Variants in KATNAL1 observed in about 807,000 individuals in gnomAD.
KATNAL1 encodes katanin p60 ATPase-containing subunit A-like 1.
KATNAL1 carries 32 observed loss-of-function variants against 55.2 expected under a neutral mutation model. That is an observed-to-expected ratio of 0.58 (90% CI 0.44 to 0.78). The LOEUF is 0.78. KATNAL1 is among the 30% of genes least tolerant of loss of function. The probability of loss-of-function intolerance (pLI) is 0.00; values close to 1 mark genes in which losing one functional copy is unlikely to be tolerated. For synonymous variants in KATNAL1, 193 were observed against 193.6 expected, an observed-to-expected ratio of 1.00 and a Z score of 0.02; for missense variants, 466 against 600.9, an observed-to-expected ratio of 0.78 and a Z score of 2.35.
At chr13:30,242,822 G>A (rs547939617) in intron 4 of KATNAL1, among the ~76,000 whole-genome samples, 5 of 152,148 alleles carry the variant, frequency 3.3e-5, no homozygotes, top group East Asian at 1.9e-4. Context: ...TTCTGGAAAC[G>A]TTTTCAAATC....
In KATNAL1 at chr13:30,207,849, A is replaced by C. The variant is rs1051606817; in HGVS notation, c.*691T>G. 3.9e-5 allele frequency: 6 copies of C among 152,258 alleles called. No homozygotes were observed. The highest frequency in any genetic ancestry group is 1.4e-4 in the African/African-American group (6 of 41,470). 9.4% of individuals were successfully genotyped at this position (152,258 alleles called of 1,614,324 possible). On this transcript the variant is annotated 3_prime_UTR_variant, in exon 11 of 11. Transcript: ENST00000380615. ...AGTAATATTCTTCCCACCTTTCCAT[A>C]TTAAATGTAAGAAGCACCAGCAAAA...
rs1031460324 is a variant in KATNAL1 at position 30,204,820 on chromosome 13, G to C, written c.*3720C>G. On this transcript the variant is annotated 3_prime_UTR_variant, in exon 11 of 11. Transcript: ENST00000380615. The stretch of plus-strand genomic sequence containing the variant: ...CCCTGAGCTATACAGCTAGACCACC[G>C]CATGTTTTCCCCTTCCAAAATGGCT... The C allele has an allele frequency of 2.0e-5, 3 of 152,078 alleles. No individual in the cohort carries two copies. Among genetic ancestry groups the C allele is most frequent in the Non-Finnish European group, 4.4e-5 (3 of 68,034 alleles). The allele number at this position is 152,078 out of a possible 1,614,324, so 9.4% of individuals were successfully genotyped here.
At chr13:30,298,931 C>T (rs924091185) in intron 1 of KATNAL1, among the ~76,000 whole-genome samples, 1 of 151,992 alleles carries the variant, frequency 6.6e-6, no homozygotes, top group Non-Finnish European at 1.5e-5. Flanking sequence ...TGAGAATTTT[C>T]CAAAACTAAC....
chr13:30,256,140 G>C (rs1330204981), intron 3 of KATNAL1, among the ~76,000 whole-genome samples: 1 of 152,176 alleles, frequency 6.6e-6, no homozygotes, highest in East Asian at 1.9e-4. Context: ...AAATGGCAGA[G>C]CTAACAATGA....
chr13:30,216,876 C>T (rs1303515809), intron 9 of KATNAL1, among the ~76,000 whole-genome samples: 1 of 152,166 alleles, frequency 6.6e-6, no homozygotes, highest in Non-Finnish European at 1.5e-5. Context: ...ATTAGAATAC[C>T]ACTGTATGTG....
At chr13:30,287,465 C>T (rs1226743137) in intron 1 of KATNAL1, among the ~76,000 whole-genome samples, 1 of 152,194 alleles carries the variant, frequency 6.6e-6, no homozygotes, top group Non-Finnish European at 1.5e-5. Context: ...GCGGCCTCCC[C>T]AACCATGCAG....
rs1872953343 is a variant in KATNAL1, at chr13:30,204,692, G to A, written c.*3848C>T. The A allele has an allele frequency of 6.6e-6, 1 of 152,216 alleles. No individual in the cohort carries two copies. Among genetic ancestry groups the A allele is most frequent in the Non-Finnish European group, 1.5e-5 (1 of 68,044 alleles). 9.4% of individuals were successfully genotyped at this position (152,216 alleles called of 1,614,324 possible). On this transcript the variant is annotated 3_prime_UTR_variant, in exon 11 of 11. Transcript: ENST00000380615. ...TGATGTATGTGTATGACTGTCCATA[G>A]ATTCACCAGGTATTGGTTTGCTTAC...
intron 3 of KATNAL1, among the ~76,000 whole-genome samples, chr13:30,262,987 C>T (rs185094317): frequency 1.7e-4 from 26 of 152,110 alleles, no homozygotes; most frequent in Non-Finnish European, 2.5e-4. Flanking sequence ...ACTGGCAAAC[C>T]GAATCCAGCA....
rs1456300878 is a variant in KATNAL1 at position 30,269,650 on chromosome 13, C to G, written c.323+10413G>C. ...GGAGCGCCTCTGCCTGGCCGCCCAT[C>G]GTCTGGGATGTGAGGAGCGCCTCTA... On this transcript the variant is annotated intron_variant, in intron 3 of 10. Transcript: ENST00000380615. Among the ~76,000 whole-genome samples the G allele has an allele frequency of 2.0e-5, 3 of 150,454 alleles. No individual in the cohort carries two copies. The East Asian group carries it at 5.9e-4, about 30-fold the overall frequency.
rs1190848681 is a variant in KATNAL1, at chr13:30,206,579, T to C, written c.*1961A>G. The C allele has an allele frequency of 6.6e-6, 1 of 151,936 alleles. No individual in the cohort carries two copies. Among genetic ancestry groups the C allele is most frequent in the Non-Finnish European group, 1.5e-5 (1 of 67,964 alleles). The allele number at this position is 151,936 out of a possible 1,614,324, so 9.4% of individuals were successfully genotyped here. On this transcript the variant is annotated 3_prime_UTR_variant, in exon 11 of 11. Transcript: ENST00000380615. Reference sequence around the variant, plus strand: ...ATTAAATGCACACCAAGATAATCAATACAAAACCCAGAAAAGGTCTAACTA... The same window carrying C: ...ATTAAATGCACACCAAGATAATCAACACAAAACCCAGAAAAGGTCTAACTA...
At chr13:30,285,087 C>T (rs188079356) in intron 1 of KATNAL1, among the ~76,000 whole-genome samples, 62 of 152,334 alleles carry the variant, frequency 4.1e-4, no homozygotes, top group African/African-American at 1.3e-3. Flanking sequence ...CTTATCTGTT[C>T]TTCAGGGACT....
chr13:30,248,725 G>C (rs1175647374), intron 4 of KATNAL1, among the ~76,000 whole-genome samples: 1 of 152,086 alleles, frequency 6.6e-6, no homozygotes, highest in African/African-American at 2.4e-5. Context: ...AGGAGTTCGA[G>C]ACCAGCCTGG....
intron 3 of KATNAL1, among the ~76,000 whole-genome samples, chr13:30,266,343 A>C (rs2137492362): frequency 6.6e-6 from 1 of 152,224 alleles, no homozygotes. Flanking sequence ...TCCCAATTAC[A>C]AACCTGGTTA....
chr13:30,268,414 C>T (rs1264174438), intron 3 of KATNAL1, among the ~76,000 whole-genome samples: 2 of 152,064 alleles, frequency 1.3e-5, no homozygotes, highest in African/African-American at 2.4e-5. Context: ...TAAAAATTTT[C>T]GAGCAAAAGA....
chr13:30,221,460 A>G (rs1874847318), intron 9 of KATNAL1, among the ~76,000 whole-genome samples: 1 of 152,240 alleles, frequency 6.6e-6, no homozygotes, highest in South Asian at 2.1e-4. Flanking sequence ...AAATTATTGG[A>G]TATGTGAAGA....
Position 30,227,441 on chromosome 13 carries a change from TCTAAC to T in KATNAL1, c.1113_1117del (p.Leu372LysfsTer15), listed in dbSNP as rs1875615664. On this transcript the variant is annotated frameshift_variant, in exon 9 of 11. Coordinates refer to ENST00000380615, the MANE Select transcript of KATNAL1 (RefSeq NM_032116.5). LOFTEE classifies it high-confidence loss of function. ...TGGGAGAGGTATATATATCCTTTTT[TCTAAC>T]CTTCTTCGCAAAGCTTCATCAATGT... is the stretch of plus-strand genomic sequence containing the variant. 6.2e-7 allele frequency: 1 copy of T among 1,613,966 alleles called. No individual in the cohort carries two copies. The highest frequency in any genetic ancestry group is 1.1e-5 in the South Asian group (1 of 91,088).
At chr13:30,306,021 A>G (rs908398439) in intron 1 of KATNAL1, among the ~76,000 whole-genome samples, 1 of 152,280 alleles carries the variant, frequency 6.6e-6, no homozygotes, top group African/African-American at 2.4e-5. Flanking sequence ...TTTAATTAAG[A>G]GAAAGTTTTA....
chr13:30,281,565 C>G (rs1237124927), intron 2 of KATNAL1, among the ~76,000 whole-genome samples: 2 of 152,044 alleles, frequency 1.3e-5, no homozygotes, highest in Non-Finnish European at 2.9e-5. Context: ...TGTTCTCAAT[C>G]AATATAACTT....
At chr13:30,294,850 T>C (rs1882376228) in intron 1 of KATNAL1, among the ~76,000 whole-genome samples, 1 of 152,202 alleles carries the variant, frequency 6.6e-6, no homozygotes, top group South Asian at 2.1e-4. Context: ...ATGAAGATCC[T>C]AGGGCCCTTA....
Sources: gnomAD v4.1 joint callset for allele counts (sites outside exome capture counted in the v4.1 genomes callset) on GRCh38, gnomAD v4.1.1 for gene constraint, MANE v1.5 for transcripts, NCBI Gene and HGNC (gene_info 2026-07-23, HGNC 2026-07-21) for gene names.